The following INO80 variants were observed in gnomAD, a reference collection of about 807,000 sequenced individuals.
INO80 encodes the protein INO80 complex ATPase subunit.
In INO80, 20 loss-of-function variants were observed where a neutral mutation model predicts 203.4. That is an observed-to-expected ratio of 0.10 (90% CI 0.07 to 0.14). The LOEUF (loss-of-function observed/expected upper bound fraction) is 0.14. INO80 is among the 10% of genes least tolerant of loss of function. INO80 has a pLI of 1.00. For missense variants in INO80, 1,419 were observed against 1,914.4 expected (o/e 0.74, Z 4.83); for synonymous variants, 726 against 685.2 (o/e 1.06, Z -0.93).
At chr15:41,109,376 G>A (rs535543776) in intron 1 of INO80, among the ~76,000 whole-genome samples, 5 of 152,162 alleles carry the variant, frequency 3.3e-5, no homozygotes, top group Admixed American at 6.5e-5. Context: ...GCCTGAACCC[G>A]GGAGGCGGAG....
chr15:40,995,362 A>T (rs989824907), intron 29 of INO80, among the ~76,000 whole-genome samples: 20 of 152,342 alleles, frequency 1.3e-4, no homozygotes, highest in African/African-American at 4.8e-4. Context: ...CTGAGGGAAC[A>T]GTTTATCCAA....
At chr15:41,041,219 G>GCTGGAACT (rs2044660681) in intron 24 of INO80, among the ~76,000 whole-genome samples, 2 of 151,888 alleles carry the variant, frequency 1.3e-5, no homozygotes, top group Admixed American at 1.3e-4. Flanking sequence ...CTCCCAAGTA[G>GCTGGAACT]CTGGAACTAC....
intron 32 of INO80, 63 bp downstream of exon 32, chr15:40,985,275 A>T: frequency 8.5e-7 from 1 of 1,173,370 alleles, no homozygotes; most frequent in Non-Finnish European, 1.3e-6. Flanking sequence ...TGTACCCCAA[A>T]GCCTTTTTGG....
chr15:41,052,857 C>CAAA (rs886971015), intron 19 of INO80, among the ~76,000 whole-genome samples: 2,819 of 93,500 alleles, frequency 0.03, 195 homozygotes, highest in African/African-American at 0.11. Flanking sequence ...CTGGTCGCTA[C>CAAA]AAAAAAAAAA....
At chr15:41,005,398 T>G (rs1324857927) in intron 28 of INO80, 195 bp downstream of exon 28, 7 of 502,866 alleles carry the variant, frequency 1.4e-5, no homozygotes, top group Non-Finnish European at 2.1e-5. Flanking sequence ...TCAGGTATAT[T>G]CTCTTTTTCT....
intron 1 of INO80, among the ~76,000 whole-genome samples, chr15:41,106,917 T>C (rs2045888159): frequency 6.6e-6 from 1 of 152,228 alleles, no homozygotes; most frequent in Non-Finnish European, 1.5e-5. Flanking sequence ...ACTGTTCAAT[T>C]GTAGTTACCT....
At chr15:41,075,085 T>G (rs1237150246) in intron 9 of INO80, among the ~76,000 whole-genome samples, 1 of 152,158 alleles carries the variant, frequency 6.6e-6, no homozygotes, top group Non-Finnish European at 1.5e-5. Context: ...TGTTTTGCTC[T>G]CCTTTATACT....
intron 29 of INO80, among the ~76,000 whole-genome samples, chr15:40,994,697 G>A (rs554691578): frequency 6.6e-6 from 1 of 152,026 alleles, no homozygotes; most frequent in East Asian, 1.9e-4. Flanking sequence ...ATTTCTTTAT[G>A]CTTTGTCTCC....
intron 34 of INO80, among the ~76,000 whole-genome samples, chr15:40,983,432 C>T (rs1195051895): frequency 2.0e-5 from 3 of 152,082 alleles, no homozygotes; most frequent in Non-Finnish European, 2.9e-5. Flanking sequence ...CAAATTTTAC[C>T]CTCGAGTTTT....
intron 23 of INO80, among the ~76,000 whole-genome samples, chr15:41,045,356 A>G (rs1202145183): frequency 6.6e-6 from 1 of 152,156 alleles, no homozygotes; most frequent in Non-Finnish European, 1.5e-5. Context: ...TGGGAGGCCG[A>G]GGCAGGTGGA....
chr15:41,064,573 CA>C (rs1297437440), intron 14 of INO80, among the ~76,000 whole-genome samples: 2 of 152,208 alleles, frequency 1.3e-5, no homozygotes, highest in East Asian at 1.9e-4. Context: ...AAGTGAAAGA[CA>C]ATGTATATAT....
chr15:40,982,851 G>A lies in INO80; in HGVS notation c.4453+11C>T, dbSNP rs1454272961. 3 of 1,603,536 alleles carry A rather than the reference G, an allele frequency of 1.9e-6. No homozygotes were observed. Among genetic ancestry groups the A allele is most frequent in the East Asian group, 4.5e-5 (2 of 44,686 alleles). On this transcript the variant is annotated intron_variant, in intron 35 of 35. Transcript: ENST00000648947. ...CAGAACAAAGTCTGCAGCCACCCTG[G>A]GCTTCTGTACCTTTAGACACGTTGT...
At chr15:41,044,601 T>G (rs1404652421) in intron 24 of INO80, among the ~76,000 whole-genome samples, 2 of 152,204 alleles carry the variant, frequency 1.3e-5, no homozygotes, top group Non-Finnish European at 2.9e-5. Context: ...CTGGAAGTAT[T>G]CTATATATTG....
chr15:41,038,767 G>A (rs912866367), intron 24 of INO80, among the ~76,000 whole-genome samples: 19 of 152,224 alleles, frequency 1.2e-4, no homozygotes, highest in African/African-American at 4.6e-4. Context: ...ATGGATTGCT[G>A]CCTCCATTCT....
At position 40,983,102 on chromosome 15, in the gene INO80, G is replaced by GA; in HGVS notation, c.4238-26_4238-25insT. ...CCTGTGGGAACAAATGGGCCAAAAG[G>GA]GAAAGAAAAAAAAAAAAAGTCAATC... On this transcript the variant is annotated intron_variant, in intron 34 of 35. Transcript: ENST00000648947. 9 of 1,559,334 alleles carry GA rather than the reference G, an allele frequency of 5.8e-6. No individual in the cohort carries two copies. In the Admixed American group the frequency reaches 9.5e-5, roughly 16 times the overall value.
chr15:41,055,476 A>T, intron 17 of INO80, 112 bp from the exon 18 acceptor site: 1 of 455,310 alleles, frequency 2.2e-6, no homozygotes, highest in Non-Finnish European at 3.8e-6. Flanking sequence ...GCCTAGATGC[A>T]TGTGTATGTG....
chr15:41,065,632 T>C (rs1374833134), intron 14 of INO80, among the ~76,000 whole-genome samples: 2 of 152,120 alleles, frequency 1.3e-5, no homozygotes, highest in Non-Finnish European at 2.9e-5. Flanking sequence ...ACAACCCAAA[T>C]ATTCATCAAC....
intron 31 of INO80, 74 bp downstream of exon 31, chr15:40,987,017 C>A: frequency 2.4e-6 from 2 of 829,546 alleles, no homozygotes; most frequent in Non-Finnish European, 2.0e-6. Context: ...CTTTGCCTAC[C>A]CTTGGCACAC....
intron 32 of INO80, 144 bp from the exon 33 acceptor site, chr15:40,984,496 C>CA (rs1269580860): frequency 2.0e-5 from 15 of 731,878 alleles, no homozygotes; most frequent in African/African-American, 1.4e-4. Context: ...AGAAAAACTG[C>CA]ATAAGGAAGA....
Sources: gnomAD v4.1 joint callset for allele counts (sites outside exome capture counted in the v4.1 genomes callset) on GRCh38, gnomAD v4.1.1 for gene constraint, MANE v1.5 for transcripts, NCBI Gene and HGNC (gene_info 2026-07-23, HGNC 2026-07-21) for gene names.